The following BDKRB2 variants were observed in gnomAD, a reference collection of about 807,000 sequenced individuals.
The protein encoded by BDKRB2 is B2 bradykinin receptor.
In BDKRB2, 6 loss-of-function variants were observed where a neutral mutation model predicts 4.0. The observed-to-expected ratio is 1.49, with a 90% CI of 0.81 to 2.93. The LOEUF (loss-of-function observed/expected upper bound fraction) is 2.93, where lower values mean the gene tolerates loss of function less well. Among genes scored for constraint, BDKRB2 ranks in the 30% most tolerant of loss-of-function variants. The pLI is 0.00. For missense variants in BDKRB2, 478 were observed against 520.1 expected, an observed-to-expected ratio of 0.92 and a Z score of 0.79; for synonymous variants, 225 against 215.3, an observed-to-expected ratio of 1.05 and a Z score of -0.40.
chr14:96,219,331 G>T (rs1330227589), intron 1 of BDKRB2, among the ~76,000 whole-genome samples: 1 of 152,076 alleles, frequency 6.6e-6, no homozygotes, highest in Non-Finnish European at 1.5e-5. Flanking sequence ...CCCCTTAAGA[G>T]AAATGGGGTT....
rs1376358737 is a variant in BDKRB2 at position 96,241,571 on chromosome 14, C to T, written c.*67C>T. 4 of 1,486,772 alleles carry T rather than the reference C, an allele frequency of 2.7e-6. No homozygotes were observed. Among genetic ancestry groups the T allele is most frequent in the African/African-American group, 2.8e-5 (2 of 71,410 alleles). 92.1% of individuals were successfully genotyped at this position (1,486,772 alleles called of 1,614,324 possible). A position where few individuals can be genotyped will look rare whatever the true frequency, so the allele number is the denominator to read the frequency against. On this transcript the variant is annotated 3_prime_UTR_variant, in exon 3 of 3. Coordinates refer to ENST00000554311, the MANE Select transcript of BDKRB2 (RefSeq NM_001379692.1). ...AGGGACAGTTGCTTTTCAGCATGGG[C>T]CCAGGAATGCCAAGGAGACATCTAT... is the stretch of plus-strand genomic sequence containing the variant.
intron 2 of BDKRB2, chr14:96,238,993 C>G (rs1189934210): frequency 2.0e-6 from 2 of 985,458 alleles, no homozygotes; most frequent in Non-Finnish European, 2.4e-6. Context: ...GTCCCCCAGT[C>G]TGGCTCCAGG....
In BDKRB2 at chr14:96,216,317, C is replaced by T. The variant is rs969008955; in HGVS notation, c.-40+11358C>T. Among the ~76,000 whole-genome samples, 4 of 152,068 alleles carry T rather than the reference C, an allele frequency of 2.6e-5. No homozygotes were observed. In the East Asian group the frequency reaches 7.7e-4, roughly 29 times the overall value. On this transcript the variant is annotated intron_variant, in intron 1 of 2. Coordinates refer to ENST00000554311, the MANE Select transcript of BDKRB2 (RefSeq NM_001379692.1). Reference sequence around the variant, plus strand: ...CCTTTATATAACAGGGAACAGAACTCTTCTGTACCTCCCACCTCCCCGCAA... The same window carrying T: ...CCTTTATATAACAGGGAACAGAACTTTTCTGTACCTCCCACCTCCCCGCAA...
In BDKRB2 at chr14:96,217,360, C is replaced by T. The variant is rs150264752; in HGVS notation, c.-40+12401C>T. 2.8e-3 allele frequency among the ~76,000 whole-genome samples: 426 copies of T among 152,350 alleles called. 3 individuals carry two copies. The highest frequency in any genetic ancestry group is 9.4e-3 in the African/African-American group (392 of 41,588). ...ATTTAAGAAAGCTAGTCACCGCAGA[C>T]GGTCACAGCTGGAAGGATTTTACAA... On this transcript the variant is annotated intron_variant, in intron 1 of 2. Coordinates refer to ENST00000554311, the MANE Select transcript of BDKRB2 (RefSeq NM_001379692.1).
intron 1 of BDKRB2, among the ~76,000 whole-genome samples, chr14:96,224,643 G>A (rs1224311125): frequency 6.6e-6 from 1 of 152,132 alleles, no homozygotes; most frequent in African/African-American, 2.4e-5. Context: ...CTGAGTTCAG[G>A]CATGACCTGA....
Position 96,241,056 on chromosome 14 carries a change from G to A in BDKRB2, c.728G>A (p.Cys243Tyr), listed in dbSNP as rs1885275808. Residue 243 changes from cysteine (C) to tyrosine (Y), a missense_variant, in exon 3 of 3, where the codon TGC (cysteine) becomes TAC (tyrosine). By Grantham distance (194) the Cys-to-Tyr change is radical. Coordinates refer to ENST00000554311, the MANE Select transcript of BDKRB2 (RefSeq NM_001379692.1). ...CTGCCCCTGAGTGTCATCACCTTCT[G>A]CACGATGCAGATCATGCAGGTGCTG... ...FLLPLSVITF[C>Y]TMQIMQVLRN... 1.9e-6 allele frequency: 3 copies of A among 1,613,736 alleles called. No individual in the cohort carries two copies. Among genetic ancestry groups the A allele is most frequent in the Non-Finnish European group, 2.5e-6 (3 of 1,179,718 alleles).
intron 1 of BDKRB2, among the ~76,000 whole-genome samples, chr14:96,235,815 G>GCACA (rs149331794): frequency 5.8e-4 from 87 of 150,730 alleles, no homozygotes; most frequent in Non-Finnish European, 1.0e-3. Context: ...ACCCACACAT[G>GCACA]CACACACACA....
At chr14:96,240,132 T>C in intron 2 of BDKRB2, 1 of 1,178,764 alleles carries the variant, frequency 8.5e-7, no homozygotes, top group African/African-American at 1.6e-5. Context: ...TTGTTAGTGC[T>C]GTTGGTGGAT....
intron 1 of BDKRB2, among the ~76,000 whole-genome samples, chr14:96,206,073 G>C (rs1294171698): frequency 1.3e-5 from 2 of 152,202 alleles, no homozygotes; most frequent in Non-Finnish European, 2.9e-5. Context: ...AGCAACCCCA[G>C]AGGACATTGC....
chr14:96,239,401 C>CA (rs1193991030), intron 2 of BDKRB2: 1 of 985,278 alleles, frequency 1.0e-6, no homozygotes, highest in East Asian at 1.1e-4. Flanking sequence ...CATGGCTGTC[C>CA]AAGCCCCACG....
intron 1 of BDKRB2, among the ~76,000 whole-genome samples, chr14:96,234,297 C>A (rs1890884291): frequency 6.6e-6 from 1 of 152,158 alleles, no homozygotes; most frequent in Non-Finnish European, 1.5e-5. Context: ...CTACCTCCTT[C>A]CCCCCTCGCG....
At chr14:96,227,603 A>T (rs1566692348) in intron 1 of BDKRB2, among the ~76,000 whole-genome samples, 4 of 152,078 alleles carry the variant, frequency 2.6e-5, no homozygotes, top group African/African-American at 9.7e-5. Flanking sequence ...ACACAAACAC[A>T]TGCATGCACA....
chr14:96,236,331 A>T (rs1196324754), intron 1 of BDKRB2, among the ~76,000 whole-genome samples: 1 of 151,990 alleles, frequency 6.6e-6, no homozygotes, highest in Non-Finnish European at 1.5e-5. Context: ...AGCCATCCCC[A>T]TCCCCACCTG....
At chr14:96,235,244 A>G (rs1299153773) in intron 1 of BDKRB2, among the ~76,000 whole-genome samples, 1 of 147,516 alleles carries the variant, frequency 6.8e-6, no homozygotes, top group East Asian at 2.1e-4. Context: ...GCTACTCAGG[A>G]GGCTGAGACA....
intron 1 of BDKRB2, among the ~76,000 whole-genome samples, chr14:96,208,871 A>C (rs2139764623): frequency 1.3e-5 from 2 of 152,310 alleles, no homozygotes; most frequent in Middle Eastern, 6.8e-3. Context: ...GGTGAAGGGC[A>C]GTCGTGGGGC....
At chr14:96,215,935 T>C (rs1890407367) in intron 1 of BDKRB2, among the ~76,000 whole-genome samples, 1 of 152,184 alleles carries the variant, frequency 6.6e-6, no homozygotes. Flanking sequence ...GACACAGAGC[T>C]ATGACTCCCG....
At chr14:96,232,829 T>C (rs1890848227) in intron 1 of BDKRB2, among the ~76,000 whole-genome samples, 1 of 152,224 alleles carries the variant, frequency 6.6e-6, no homozygotes, top group Non-Finnish European at 1.5e-5. Context: ...GCTTCCCAGC[T>C]CTAACGTGCA....
In BDKRB2 at chr14:96,220,761, C is replaced by T. The variant is rs896604819; in HGVS notation, c.-40+15802C>T. On this transcript the variant is annotated intron_variant, in intron 1 of 2. Transcript: ENST00000554311. ...CCAGATTTTGCCAACTGCCCCCCAC[C>T]TTTGACCATGTCCAGGCATCCTGGC... is the stretch of plus-strand genomic sequence containing the variant. Among the ~76,000 whole-genome samples the T allele has an allele frequency of 1.6e-4, 24 of 152,010 alleles. 1 individual carries two copies. Among genetic ancestry groups the T allele is most frequent in the African/African-American group, 5.8e-4 (24 of 41,296 alleles).
At chr14:96,213,002 T>A (rs1233160439) in intron 1 of BDKRB2, among the ~76,000 whole-genome samples, 1 of 152,202 alleles carries the variant, frequency 6.6e-6, no homozygotes, top group African/African-American at 2.4e-5. Flanking sequence ...AGTATTTTTT[T>A]AATAGTCAAT....
Sources: gnomAD v4.1 joint callset for allele counts (sites outside exome capture counted in the v4.1 genomes callset) on GRCh38, gnomAD v4.1.1 for gene constraint, MANE v1.5 for transcripts, NCBI Gene and HGNC (gene_info 2026-07-23, HGNC 2026-07-21) for gene names.